The following NKAIN2 variants were observed in gnomAD, a reference collection of about 807,000 sequenced individuals.
The protein encoded by NKAIN2 is sodium/potassium-transporting ATPase subunit beta-1-interacting protein 2.
Under a neutral mutation model 32.6 loss-of-function variants are expected in NKAIN2, and 14 were observed. That is an observed-to-expected ratio of 0.43 (90% CI 0.28 to 0.67). The LOEUF (loss-of-function observed/expected upper bound fraction) is 0.67. Ranked by LOEUF, NKAIN2 falls within the 30% of genes least tolerant of loss-of-function variation. The pLI, the probability that NKAIN2 is intolerant of heterozygous loss-of-function variation, is 0.17. For missense variants in NKAIN2, 198 were observed against 258.3 expected (o/e 0.77, Z 1.60); for synonymous variants, 80 against 87.2 (o/e 0.92, Z 0.46).
intron 1 of NKAIN2, among the ~76,000 whole-genome samples, chr6:124,116,077 C>T (rs777591858): frequency 1.7e-4 from 26 of 152,164 alleles, no homozygotes; most frequent in Middle Eastern, 3.4e-3. Context: ...AAAGCACGTT[C>T]AGCTCTTAGA....
intron 1 of NKAIN2, among the ~76,000 whole-genome samples, chr6:123,987,017 A>G (rs1036035866): frequency 6.6e-6 from 1 of 152,242 alleles, no homozygotes; most frequent in Non-Finnish European, 1.5e-5. Context: ...CCTTAAATTC[A>G]TACGGCTCTC....
chr6:124,575,352 C>A (rs1352669545), intron 3 of NKAIN2, among the ~76,000 whole-genome samples: 2 of 152,196 alleles, frequency 1.3e-5, no homozygotes, highest in Non-Finnish European at 2.9e-5. Context: ...ATAAATTAAT[C>A]CCAGCAGACT....
At chr6:124,195,524 C>G (rs1224856661) in intron 1 of NKAIN2, among the ~76,000 whole-genome samples, 1 of 152,102 alleles carries the variant, frequency 6.6e-6, no homozygotes, top group Non-Finnish European at 1.5e-5. Flanking sequence ...GAAAGGAATG[C>G]TGAAAACTTC....
At chr6:124,469,117 G>T (rs1483447914) in intron 3 of NKAIN2, among the ~76,000 whole-genome samples, 1 of 152,160 alleles carries the variant, frequency 6.6e-6, no homozygotes, top group Non-Finnish European at 1.5e-5. Context: ...CAGTAGCCCT[G>T]CTGCTGATCT....
chr6:124,343,772 T>G (rs11965151), intron 2 of NKAIN2, among the ~76,000 whole-genome samples: 62,552 of 144,572 alleles, frequency 0.43, 13,876 homozygotes, highest in East Asian at 0.5. Flanking sequence ...TTTCTCCCAT[T>G]TTGTAGGTTG....
chr6:124,624,356 A>T (rs928981967), intron 3 of NKAIN2, among the ~76,000 whole-genome samples: 1 of 152,140 alleles, frequency 6.6e-6, no homozygotes, highest in East Asian at 1.9e-4. Context: ...AAGATCTGGG[A>T]GATTGGGAAC....
chr6:124,158,609 T>A (rs942922544), intron 1 of NKAIN2, among the ~76,000 whole-genome samples: 5 of 152,158 alleles, frequency 3.3e-5, no homozygotes, highest in Admixed American at 6.6e-5. Context: ...CATTCACTAT[T>A]TATCCCCTGC....
At chr6:124,821,440 T>C (rs1357504535) in intron 6 of NKAIN2, among the ~76,000 whole-genome samples, 1 of 152,160 alleles carries the variant, frequency 6.6e-6, no homozygotes, top group East Asian at 1.9e-4. Context: ...TAATCTCTCA[T>C]CTAAAGATAA....
chr6:124,100,579 G>A (rs1299061558), intron 1 of NKAIN2, among the ~76,000 whole-genome samples: 1 of 152,172 alleles, frequency 6.6e-6, no homozygotes, highest in African/African-American at 2.4e-5. Flanking sequence ...TTTGAGATGC[G>A]ATTGTATCAA....
At chr6:124,458,746 T>C (rs1181827485) in intron 3 of NKAIN2, among the ~76,000 whole-genome samples, 1 of 151,772 alleles carries the variant, frequency 6.6e-6, no homozygotes, top group Non-Finnish European at 1.5e-5. Context: ...CCTGCAAAAC[T>C]GGAGATTTGC....
chr6:124,293,294 C>CTTA (rs1227869129), intron 2 of NKAIN2, among the ~76,000 whole-genome samples: 3 of 151,888 alleles, frequency 2.0e-5, no homozygotes, highest in African/African-American at 7.2e-5. Flanking sequence ...TAGACTATAC[C>CTTA]TTATTTGTTT....
At chr6:124,024,627 G>A (rs1257585982) in intron 1 of NKAIN2, among the ~76,000 whole-genome samples, 1 of 93,996 alleles carries the variant, frequency 1.1e-5, no homozygotes, top group Non-Finnish European at 2.1e-5. Context: ...TATCAGTTAT[G>A]TTATAATAGC....
Position 124,241,713 on chromosome 6 carries a change from G to A in NKAIN2, c.55-41292G>A, listed in dbSNP as rs745411590. On this transcript the variant is annotated intron_variant, in intron 1 of 6. Coordinates refer to ENST00000368417, the MANE Select transcript of NKAIN2 (RefSeq NM_001040214.3). ...TATGCACCCTTGTTTTTTCATTCTC[G>A]TGTTTCCTATAATTGAGAAAAGCTT... 5.1e-4 allele frequency among the ~76,000 whole-genome samples: 78 copies of A among 151,904 alleles called. 1 individual carries two copies. The highest frequency in any genetic ancestry group is 1.8e-3 in the African/African-American group (74 of 41,370).
intron 4 of NKAIN2, among the ~76,000 whole-genome samples, chr6:124,708,821 AC>A (rs1177793763): frequency 1.4e-5 from 2 of 146,882 alleles, no homozygotes; most frequent in Non-Finnish European, 3.0e-5. Flanking sequence ...CTAATTGAAT[AC>A]CCTTTATTTC....
chr6:124,153,481 A>G (rs1166483784), intron 1 of NKAIN2, among the ~76,000 whole-genome samples: 4 of 151,794 alleles, frequency 2.6e-5, no homozygotes, highest in African/African-American at 4.8e-5. Context: ...AACATTATCT[A>G]GTATTCAATT....
intron 3 of NKAIN2, among the ~76,000 whole-genome samples, chr6:124,451,042 G>A (rs1243476860): frequency 6.6e-6 from 1 of 152,014 alleles, no homozygotes; most frequent in Admixed American, 6.6e-5. Context: ...GAAATAGAAA[G>A]AATCAGTTAA....
intron 1 of NKAIN2, among the ~76,000 whole-genome samples, chr6:124,128,208 C>G (rs1786277551): frequency 1.3e-5 from 2 of 152,168 alleles, no homozygotes; most frequent in African/African-American, 4.8e-5. Context: ...TTCACCTCAC[C>G]TAAGGACATC....
intron 1 of NKAIN2, among the ~76,000 whole-genome samples, chr6:123,954,879 G>A (rs533655149): frequency 1.3e-5 from 2 of 152,200 alleles, no homozygotes; most frequent in South Asian, 2.1e-4. Flanking sequence ...AGGAGAGTGT[G>A]TTAAGACTTT....
At chr6:124,375,372 A>G (rs1324644880) in intron 3 of NKAIN2, among the ~76,000 whole-genome samples, 2 of 148,030 alleles carry the variant, frequency 1.4e-5, no homozygotes, top group Non-Finnish European at 3.0e-5. Context: ...GCCAGTAGGT[A>G]CTCACTATAT....
Sources: allele counts gnomAD v4.1 joint callset (sites outside exome capture counted in the v4.1 genomes callset), GRCh38; gene constraint gnomAD v4.1.1; transcripts MANE v1.5; gene names NCBI Gene and HGNC (gene_info 2026-07-23, HGNC 2026-07-21).